MAP3K9: variants seen among roughly 807,000 people sequenced by gnomAD.
MAP3K9 encodes the protein mixed lineage kinase 1 (tyr and ser/thr specificity).
In MAP3K9, 46 loss-of-function variants were observed where a neutral mutation model predicts 95.8. The ratio of observed to expected loss-of-function variants is 0.48; its 90% CI spans 0.38 to 0.61. The LOEUF (loss-of-function observed/expected upper bound fraction) is 0.61, where lower values mean the gene tolerates loss of function less well. MAP3K9 is among the 20% of genes least tolerant of loss of function. The pLI is 0.00. For missense variants in MAP3K9, 1,296 were observed against 1,474.3 expected, an observed-to-expected ratio of 0.88 and a Z score of 1.98; for synonymous variants, 533 against 593.8, an observed-to-expected ratio of 0.90 and a Z score of 1.49.
At position 70,761,130 on chromosome 14, in the gene MAP3K9, C is replaced by G; in HGVS notation, c.873G>C (p.Lys291Asn). The G allele has an allele frequency of 6.2e-7, 1 of 1,614,158 alleles. No homozygotes were observed. The highest frequency in any genetic ancestry group is 8.5e-7 in the Non-Finnish European group (1 of 1,180,026). The change falls in exon 3 of 12, where the codon AAG (lysine) becomes AAC (asparagine). Residue 291 changes from lysine (K) to asparagine (N), a missense_variant. By Grantham distance (94) the Lys-to-Asn change is moderately conservative (BLOSUM62 0). Around this residue, in one of 5 missense-constraint regions of MAP3K9, gnomAD observed 136 missense variants for 221.5 expected, o/e 0.61. Coordinates refer to ENST00000554752, the MANE Select transcript of MAP3K9 (RefSeq NM_001284230.2). ...CCCGAGCCAGGCCAAAATCAGTGAT[C>G]TTCAGAATCTTGTTGCTCAGGTCTC... is the stretch of plus-strand genomic sequence containing the variant. Reference protein sequence around the residue: ...ENGDLSNKILKITDFGLAREW... With the variant: ...ENGDLSNKILNITDFGLAREW...
intron 11 of MAP3K9, 88 bp from the exon 12 acceptor site, chr14:70,730,952 T>C: frequency 7.4e-7 from 1 of 1,352,364 alleles, no homozygotes; most frequent in Non-Finnish European, 9.9e-7. Flanking sequence ...CACCACCATA[T>C]CCCTACGCAA....
At chr14:70,791,425 G>C (rs2054806023) in intron 2 of MAP3K9, among the ~76,000 whole-genome samples, 1 of 152,178 alleles carries the variant, frequency 6.6e-6, no homozygotes, top group African/African-American at 2.4e-5. Context: ...GATGAAATAG[G>C]AAGAAGAGGC....
In MAP3K9 at chr14:70,732,637, C is replaced by T. The variant is rs765286426; in HGVS notation, c.2732G>A (p.Ser911Asn). ...CCCATCAGAAGGAGTCCGCCGGTGA[C>T]TGCTGGGCTGCGAGGGGGTGGTGAG... Reference protein sequence around the residue: ...VTLTTPSQPSSHRRTPSDGAL... With the variant: ...VTLTTPSQPSNHRRTPSDGAL... The change falls in exon 11 of 12, where the codon AGT becomes AAT. Residue 911 changes from serine to asparagine, a missense_variant. By Grantham distance (46) the Ser-to-Asn change is conservative (BLOSUM62 1). This residue lies in a region of MAP3K9 where 433 missense variants were observed against 441.4 expected (regional missense o/e 0.98). Coordinates refer to ENST00000554752, the MANE Select transcript of MAP3K9 (RefSeq NM_001284230.2). The T allele has an allele frequency of 1.2e-6, 2 of 1,606,730 alleles. No homozygotes were observed. The highest frequency in any genetic ancestry group is 1.1e-5 in the South Asian group (1 of 89,808).
At chr14:70,741,450 A>G (rs1306878437) in intron 6 of MAP3K9, among the ~76,000 whole-genome samples, 2 of 152,180 alleles carry the variant, frequency 1.3e-5, no homozygotes, top group Non-Finnish European at 2.9e-5. Context: ...AACACAGTGA[A>G]TATCTTTATC....
In MAP3K9 at chr14:70,748,963, T is replaced by C; in HGVS notation, c.1192A>G (p.Asn398Asp). 2 of 1,613,984 alleles carry C rather than the reference T, an allele frequency of 1.2e-6. No homozygotes were observed. The highest frequency in any genetic ancestry group is 1.7e-6 in the Non-Finnish European group (2 of 1,179,952). ...ATGGTGGTTAGCTGGTCCAGGATATTCGTGAAAGATGGTCGTGAGTGGGGA... is the reference window on the plus strand; with the variant it reads ...ATGGTGGTTAGCTGGTCCAGGATATCCGTGAAAGATGGTCGTGAGTGGGGA... ...PDPHSRPSFTNILDQLTTIEE... is the reference protein window; with the variant it reads ...PDPHSRPSFTDILDQLTTIEE... Residue 398 changes from asparagine to aspartate, a missense_variant, in exon 5 of 12, where the codon AAT becomes GAT. Coordinates refer to ENST00000554752, the MANE Select transcript of MAP3K9 (RefSeq NM_001284230.2).
chr14:70,788,745 A>G (rs181617244), intron 2 of MAP3K9, among the ~76,000 whole-genome samples: 1 of 152,368 alleles, frequency 6.6e-6, no homozygotes, highest in Admixed American at 6.5e-5. Flanking sequence ...TTAAGGACCT[A>G]CTAAGTGCTG....
In MAP3K9 at chr14:70,730,538, G is replaced by A. The variant is rs201818307; in HGVS notation, c.3157C>T (p.Leu1053Phe). The A allele has an allele frequency of 6.7e-5, 108 of 1,613,988 alleles. No individual in the cohort carries two copies. The African/African-American group carries it at 1.1e-3, about 16-fold the overall frequency. ...VEERPGLPAL[L>F]PFQAGPLPPT... ...GGCAGCGGCCCTGCCTGGAACGGGA[G>A]CAGGGCTGGAAGTCCAGGCCGCTCC... Residue 1053 changes from leucine (L) to phenylalanine (F), a missense_variant, in exon 12 of 12, where the codon CTC (leucine) becomes TTC (phenylalanine). By Grantham distance (22) the Leu-to-Phe change is conservative. Transcript: ENST00000554752.
chr14:70,742,935 A>G (rs2054096382), intron 5 of MAP3K9, among the ~76,000 whole-genome samples: 1 of 125,896 alleles, frequency 7.9e-6, no homozygotes, highest in Non-Finnish European at 1.7e-5. Flanking sequence ...ATATATATAT[A>G]TAGGTTTGAA....
At chr14:70,766,036 A>G (rs1315992098) in intron 2 of MAP3K9, among the ~76,000 whole-genome samples, 2 of 152,034 alleles carry the variant, frequency 1.3e-5, no homozygotes, top group African/African-American at 4.8e-5. Flanking sequence ...CCAGTGATTA[A>G]CCAGATGTAG....
chr14:70,770,833 C>T lies in MAP3K9; in HGVS notation c.821-9651G>A, dbSNP rs547608249. On this transcript the variant is annotated intron_variant, in intron 2 of 11. Coordinates refer to ENST00000554752, the MANE Select transcript of MAP3K9 (RefSeq NM_001284230.2). ...CTGTGTTAATCCCTGTGTCCTGTAC[C>T]CCACTCCCCTCTTTACTGATTCCTT... Among the ~76,000 whole-genome samples, 14 of 152,220 alleles carry T rather than the reference C, an allele frequency of 9.2e-5. No homozygotes were observed. In the East Asian group the frequency reaches 2.7e-3, roughly 29 times the overall value.
chr14:70,741,335 C>G (rs1285054108), intron 6 of MAP3K9, among the ~76,000 whole-genome samples: 4 of 152,160 alleles, frequency 2.6e-5, no homozygotes, highest in African/African-American at 9.7e-5. Context: ...GATGATCCAC[C>G]CGCCTCGGCC....
chr14:70,809,204 G>A lies in MAP3K9; in HGVS notation c.-33C>T. 1.6e-6 allele frequency: 2 copies of A among 1,283,974 alleles called. No homozygotes were observed. Among genetic ancestry groups the A allele is most frequent in the Non-Finnish European group, 2.0e-6 (2 of 1,021,450 alleles). 79.5% of individuals were successfully genotyped at this position (1,283,974 alleles called of 1,614,324 possible). ...CCGATCCATAGGGTGCGGGGCCGCC[G>A]CCGCCCGCAGGAGCCGCCGCCGCCT... On this transcript the variant is annotated 5_prime_UTR_variant, in exon 1 of 12. Transcript: ENST00000554752.
chr14:70,761,326 T>C, intron 2 of MAP3K9, 144 bp from the exon 3 acceptor site: 3 of 657,362 alleles, frequency 4.6e-6, no homozygotes, highest in South Asian at 2.0e-5. Context: ...AGAGCCATCA[T>C]TTCTTAAACA....
rs747328500 is a variant in MAP3K9, at chr14:70,732,595, G to C, written c.2774C>G (p.Thr925Ser). 1 of 1,606,030 alleles carries C rather than the reference G, an allele frequency of 6.2e-7. No homozygotes were observed. The highest frequency in any genetic ancestry group is 1.1e-5 in the South Asian group (1 of 89,934). ...TPSDGALKPETLLASRSPSSN... is the reference protein window; with the variant it reads ...TPSDGALKPESLLASRSPSSN... ...GGAGGGGCTCCTGCTGGCTAGGAGAGTCTCTGGCTTAAGGGCCCCATCAGA... is the reference window on the plus strand; with the variant it reads ...GGAGGGGCTCCTGCTGGCTAGGAGACTCTCTGGCTTAAGGGCCCCATCAGA... The change falls in exon 11 of 12, where the codon ACT becomes AGT. Residue 925 changes from threonine to serine, a missense_variant. Transcript: ENST00000554752.
chr14:70,762,432 C>A (rs2054388808), intron 2 of MAP3K9, among the ~76,000 whole-genome samples: 1 of 152,172 alleles, frequency 6.6e-6, no homozygotes, highest in Non-Finnish European at 1.5e-5. Flanking sequence ...ATTCTTAATG[C>A]CATCCTAGTG....
chr14:70,792,358 GA>G (rs1270550668), intron 2 of MAP3K9, among the ~76,000 whole-genome samples: 3 of 151,930 alleles, frequency 2.0e-5, no homozygotes, highest in South Asian at 2.1e-4. Context: ...CCTGACTAAG[GA>G]AAAAAACAGG....
chr14:70,728,902 T>C lies in MAP3K9; in HGVS notation c.*1478A>G, dbSNP rs1446317486. ...GAGGGGAATGACCTTGAGACTCTACTCCCAATCAAGTCGTCATTCCCACAT... is the reference window on the plus strand; with the variant it reads ...GAGGGGAATGACCTTGAGACTCTACCCCCAATCAAGTCGTCATTCCCACAT... On this transcript the variant is annotated 3_prime_UTR_variant, in exon 12 of 12. Transcript: ENST00000554752. The C allele has an allele frequency of 6.6e-6, 1 of 152,146 alleles. No individual in the cohort carries two copies. Among genetic ancestry groups the C allele is most frequent in the Non-Finnish European group, 1.5e-5 (1 of 68,040 alleles). The allele number at this position is 152,146 out of a possible 1,614,324, so 9.4% of individuals were successfully genotyped here. A position where few individuals can be genotyped will look rare whatever the true frequency, so the allele number is the denominator to read the frequency against.
chr14:70,773,777 G>A (rs1011031658), intron 2 of MAP3K9, among the ~76,000 whole-genome samples: 1 of 152,210 alleles, frequency 6.6e-6, no homozygotes, highest in Non-Finnish European at 1.5e-5. Flanking sequence ...AGCTGTGAAC[G>A]AGAAGGAGGT....
chr14:70,800,250 A>C lies in MAP3K9; in HGVS notation c.820+417T>G, dbSNP rs116987310. Among the ~76,000 whole-genome samples the C allele has an allele frequency of 8.9e-3, 1,348 of 152,198 alleles. 9 individuals are homozygous for C. Among genetic ancestry groups the C allele is most frequent in the Middle Eastern group, 0.02 (6 of 294 alleles). ...CAGTCCCTTCTGTGATGGGTATCTC[A>C]AGTTGAGGTGTTTAGGTAAACATTC... On this transcript the variant is annotated intron_variant, in intron 2 of 11. Transcript: ENST00000554752.
Sources: allele counts gnomAD v4.1 joint callset (sites outside exome capture counted in the v4.1 genomes callset), GRCh38; gene constraint gnomAD v4.1.1; regional missense constraint gnomAD v4.1.1; transcripts MANE v1.5; gene names NCBI Gene and HGNC (gene_info 2026-07-23, HGNC 2026-07-21).